The following CCDC144A variants were observed in gnomAD, a reference collection of about 807,000 sequenced individuals.
CCDC144A encodes coiled-coil domain containing 144A, also known as coiled-coil domain-containing protein 144A.
A neutral mutation model predicts 143.8 loss-of-function variants in CCDC144A; 41 were observed. The observed-to-expected ratio is 0.29, with a 90% CI of 0.22 to 0.37. The LOEUF (loss-of-function observed/expected upper bound fraction) is 0.37, where lower values mean the gene tolerates loss of function less well. Ranked by LOEUF, CCDC144A falls within the 10% of genes least tolerant of loss-of-function variation. CCDC144A has a pLI of 1.00. For synonymous variants in CCDC144A, 242 were observed against 517.9 expected, an observed-to-expected ratio of 0.47 and a Z score of 7.23; for missense variants, 637 against 1,488.8, an observed-to-expected ratio of 0.43 and a Z score of 9.41.
chr17:16,671,912 T>C, the CCDC144A span, among the ~76,000 whole-genome samples: 3 of 152,092 alleles, frequency 2.0e-5, 1 homozygote, highest in South Asian at 2.1e-4. Context: ...TTAGGATATA[T>C]GCTAATTAAA....
the CCDC144A span, among the ~76,000 whole-genome samples, chr17:16,682,326 A>G: frequency 2.0e-5 from 3 of 151,886 alleles, no homozygotes; most frequent in African/African-American, 7.3e-5. Flanking sequence ...GAGCTGAGAA[A>G]CTATAAAATG....
At chr17:16,737,162 C>CTTTTTTTTT (rs757856458) in intron 12 of CCDC144A, among the ~76,000 whole-genome samples, 1 of 102,666 alleles carries the variant, frequency 9.7e-6, no homozygotes, top group Non-Finnish European at 1.9e-5. Flanking sequence ...AGAGTTAAAT[C>CTTTTTTTTT]TTTTTTTTTT....
At chr17:16,703,023 TGAA>T (rs1310177535) in intron 2 of CCDC144A, among the ~76,000 whole-genome samples, 4 of 152,172 alleles carry the variant, frequency 2.6e-5, no homozygotes, top group African/African-American at 4.8e-5. Flanking sequence ...TTATCAAAAA[TGAA>T]GAAAGCAATT....
intron 15 of CCDC144A, among the ~76,000 whole-genome samples, 154 bp from the exon 16 acceptor site, chr17:16,771,823 G>T (rs1238616911): frequency 6.6e-6 from 1 of 152,212 alleles, no homozygotes; most frequent in African/African-American, 2.4e-5. Flanking sequence ...ACTTAAAATA[G>T]GTAGGAATTT....
intron 2 of CCDC144A, among the ~76,000 whole-genome samples, chr17:16,693,355 C>A (rs556961160): frequency 6.7e-6 from 1 of 149,618 alleles, no homozygotes; most frequent in South Asian, 2.1e-4. Flanking sequence ...GTCTCGCTGT[C>A]GCCCAGGCTG....
At position 16,761,413 on chromosome 17, in the gene CCDC144A, T is replaced by C. The variant is rs755193437; in HGVS notation, c.3373-12T>C. ...TTCTTCATTACAAAACTATATTGTT[T>C]TACTCATGCAGATTGACCTTACAGA... On this transcript the variant is annotated splice_polypyrimidine_tract_variant and intron_variant, in intron 12 of 16. Transcript: ENST00000399273. 16 of 1,589,318 alleles carry C rather than the reference T, an allele frequency of 1.0e-5. No homozygotes were observed. The Admixed American group carries it at 2.9e-4, about 28-fold the overall frequency.
the CCDC144A span, among the ~76,000 whole-genome samples, chr17:16,676,446 G>A: frequency 1.4e-4 from 21 of 151,430 alleles, no homozygotes; most frequent in Non-Finnish European, 1.8e-4. Flanking sequence ...GGGAGGCAGA[G>A]CTTGCAGTGG....
At chr17:16,750,347 G>T (rs1393998621) in intron 12 of CCDC144A, among the ~76,000 whole-genome samples, 5 of 151,028 alleles carry the variant, frequency 3.3e-5, no homozygotes, top group Admixed American at 2.0e-4. Flanking sequence ...CACTGATGAG[G>T]CTTAGATTGG....
At chr17:16,731,231 A>G (rs2143232374) in intron 9 of CCDC144A, 1 of 152,266 alleles carries the variant, frequency 6.6e-6, no homozygotes, top group South Asian at 2.1e-4. Flanking sequence ...AGAGAAACAT[A>G]AAAAGGATGG....
intron 11 of CCDC144A, among the ~76,000 whole-genome samples, chr17:16,733,373 G>T (rs1442142141): frequency 6.8e-6 from 1 of 147,194 alleles, no homozygotes; most frequent in Admixed American, 6.8e-5. Flanking sequence ...CGTGGTGGCG[G>T]GAACCTGTAG....
At chr17:16,756,397 C>G (rs564282754) in intron 12 of CCDC144A, among the ~76,000 whole-genome samples, 48 of 151,910 alleles carry the variant, frequency 3.2e-4, no homozygotes, top group Admixed American at 1.7e-3. Flanking sequence ...TAGTCTATTG[C>G]CAACATTCTC....
chr17:16,734,746 G>C lies in CCDC144A; in HGVS notation c.2475G>C (p.Gln825His). 3.1e-6 allele frequency: 5 copies of C among 1,590,294 alleles called. No homozygotes were observed. Among genetic ancestry groups the C allele is most frequent in the Non-Finnish European group, 3.4e-6 (4 of 1,171,028 alleles). The change falls in exon 12 of 17, where the codon CAG (glutamine) becomes CAC (histidine). Residue 825 changes from glutamine to histidine, a missense_variant. Gln to His is a conservative substitution (Grantham distance 24). Transcript: ENST00000399273. ...TCTTTCATGAAGATTGCATGTTGCA[G>C]GAAGAAATTGCCTTGCTGAGACTGG... ...KDLFHEDCMLQEEIALLRLEI... is the reference protein window; with the variant it reads ...KDLFHEDCMLHEEIALLRLEI...
chr17:16,764,366 C>T (rs1915510674), intron 15 of CCDC144A, 191 bp downstream of exon 15: 2 of 1,322,372 alleles, frequency 1.5e-6, no homozygotes, highest in Non-Finnish European at 2.0e-6. Context: ...AGAGATTACT[C>T]CTTTGTTAAC....
chr17:16,755,700 C>CAGGCATG (rs1230784195), intron 12 of CCDC144A, among the ~76,000 whole-genome samples: 2 of 152,200 alleles, frequency 1.3e-5, no homozygotes, highest in Admixed American at 1.3e-4. Context: ...GCTGGGACCA[C>CAGGCATG]AGGCATGAGC....
In CCDC144A at chr17:16,777,788, G is replaced by A. The variant is rs1047517984; in HGVS notation, c.*4155G>A. ...AAAGAGCACAAATAAACAATCTAAG[G>A]TCACACCTCACAGAATTGGAGAAAC... is the stretch of plus-strand genomic sequence containing the variant. On this transcript the variant is annotated 3_prime_UTR_variant, in exon 17 of 17. Coordinates refer to ENST00000399273, the MANE Select transcript of CCDC144A (RefSeq NM_001382000.1). 7.1e-6 allele frequency: 1 copy of A among 140,714 alleles called. No individual in the cohort carries two copies. The highest frequency in any genetic ancestry group is 2.9e-5 in the African/African-American group (1 of 34,538). 8.7% of individuals were successfully genotyped at this position (140,714 alleles called of 1,614,324 possible).
intron 1 of CCDC144A, 92 bp downstream of exon 1, chr17:16,690,836 A>G (rs1911022752): frequency 2.2e-6 from 3 of 1,337,988 alleles, no homozygotes; most frequent in East Asian, 4.7e-5. Flanking sequence ...GGGAAACGTC[A>G]GAGGGGTCAG....
chr17:16,673,786 T>G, the CCDC144A span, among the ~76,000 whole-genome samples: 1 of 152,182 alleles, frequency 6.6e-6, no homozygotes, highest in Admixed American at 6.5e-5. Flanking sequence ...CAGAACAAGA[T>G]AAAATTCCTC....
At chr17:16,701,126 ACT>A (rs1284177003) in intron 2 of CCDC144A, among the ~76,000 whole-genome samples, 3 of 152,106 alleles carry the variant, frequency 2.0e-5, no homozygotes, top group East Asian at 1.9e-4. Flanking sequence ...TTTCAAGGTG[ACT>A]CTGTCTTTTT....
At chr17:16,671,735 A>T in the CCDC144A span, among the ~76,000 whole-genome samples, 2 of 152,040 alleles carry the variant, frequency 1.3e-5, no homozygotes, top group African/African-American at 4.8e-5. Context: ...GTAATATTCT[A>T]CCTTTTAAGG....
Sources: gnomAD v4.1 joint callset for allele counts (sites outside exome capture counted in the v4.1 genomes callset) on GRCh38, gnomAD v4.1.1 for gene constraint, MANE v1.5 for transcripts, NCBI Gene and HGNC (gene_info 2026-07-23, HGNC 2026-07-21) for gene names.